SLC24A4: variants seen among roughly 807,000 people sequenced by gnomAD.
The protein encoded by SLC24A4 is sodium/potassium/calcium exchanger 4.
Under a neutral mutation model 79.0 loss-of-function variants are expected in SLC24A4, and 53 were observed. That is an observed-to-expected ratio of 0.67 (90% CI 0.54 to 0.84). The LOEUF (loss-of-function observed/expected upper bound fraction) is 0.84. SLC24A4 is among the 40% of genes least tolerant of loss of function. SLC24A4 has a pLI of 0.00. For synonymous variants in SLC24A4, 323 were observed against 323.8 expected, an observed-to-expected ratio of 1.00 and a Z score of 0.03; for missense variants, 731 against 822.0, an observed-to-expected ratio of 0.89 and a Z score of 1.35.
intron 2 of SLC24A4, among the ~76,000 whole-genome samples, chr14:92,383,237 A>G (rs974132485): frequency 6.6e-6 from 1 of 152,192 alleles, no homozygotes; most frequent in African/African-American, 2.4e-5. Context: ...AGCTGGAAGT[A>G]AGATATGGGG....
chr14:92,326,040 G>A (rs1566685957), intron 2 of SLC24A4, 62 bp downstream of exon 2: 24 of 1,185,664 alleles, frequency 2.0e-5, no homozygotes, highest in East Asian at 1.2e-4. Context: ...TGGAGATGGC[G>A]CTTATGTGGG....
intron 2 of SLC24A4, among the ~76,000 whole-genome samples, chr14:92,352,632 G>A (rs1406133901): frequency 1.3e-5 from 2 of 152,182 alleles, no homozygotes; most frequent in East Asian, 3.8e-4. Context: ...AAAGCCCAGG[G>A]CCCCGAAATA....
intron 2 of SLC24A4, among the ~76,000 whole-genome samples, chr14:92,427,681 A>T (rs1891640648): frequency 6.6e-6 from 1 of 152,214 alleles, no homozygotes; most frequent in African/African-American, 2.4e-5. Flanking sequence ...CAGGAAATAG[A>T]ATCCATGTTT....
At chr14:92,411,497 G>A (rs1890709723) in intron 2 of SLC24A4, among the ~76,000 whole-genome samples, 1 of 152,060 alleles carries the variant, frequency 6.6e-6, no homozygotes, top group African/African-American at 2.4e-5. Context: ...TTTCATTTAG[G>A]TTCTTACTGA....
At chr14:92,448,618 G>A (rs1251958287) in intron 9 of SLC24A4, among the ~76,000 whole-genome samples, 1 of 152,188 alleles carries the variant, frequency 6.6e-6, no homozygotes, top group Non-Finnish European at 1.5e-5. Flanking sequence ...CTTTGAGATG[G>A]AGAGACTCTT....
chr14:92,492,360 G>A, intron 16 of SLC24A4, 120 bp downstream of exon 16: 1 of 932,364 alleles, frequency 1.1e-6, no homozygotes. Context: ...AAGGATAAAG[G>A]CAAGAAAATG....
intron 2 of SLC24A4, among the ~76,000 whole-genome samples, chr14:92,359,897 A>AAC (rs889170032): frequency 6.6e-6 from 1 of 152,208 alleles, no homozygotes; most frequent in African/African-American, 2.4e-5. Flanking sequence ...GAGTTATAGT[A>AAC]ACACACACAC....
chr14:92,416,610 T>C (rs928625920), intron 2 of SLC24A4, among the ~76,000 whole-genome samples: 2 of 152,228 alleles, frequency 1.3e-5, no homozygotes, highest in African/African-American at 2.4e-5. Context: ...GGAGGTTCAG[T>C]GAACTCATCT....
chr14:92,351,884 A>G (rs1886901195), intron 2 of SLC24A4, among the ~76,000 whole-genome samples: 1 of 136,338 alleles, frequency 7.3e-6, no homozygotes, highest in African/African-American at 2.7e-5. Context: ...AAAAAAGGAA[A>G]GAAGGAAGGA....
At chr14:92,408,428 C>A in intron 2 of SLC24A4, 1 of 985,316 alleles carries the variant, frequency 1.0e-6, no homozygotes, top group South Asian at 4.7e-5. Context: ...CCTATCTCTG[C>A]AAACATGTGA....
chr14:92,420,299 G>A (rs1046300446), intron 2 of SLC24A4, among the ~76,000 whole-genome samples: 1 of 152,162 alleles, frequency 6.6e-6, no homozygotes, highest in Non-Finnish European at 1.5e-5. Flanking sequence ...GGCCAATATG[G>A]TGAAACCCTG....
rs183884366 is a variant in SLC24A4 at position 92,377,488 on chromosome 14, A to G, written c.241+51510A>G. On this transcript the variant is annotated intron_variant, in intron 2 of 16. Transcript: ENST00000532405. ...GAGCTGAGTGTTGAAGATGAGGTGC[A>G]GTACCCATGTAGGAGAGAGGTGGGA... Among the ~76,000 whole-genome samples, 40 of 152,312 alleles carry G rather than the reference A, an allele frequency of 2.6e-4. No homozygotes were observed. The East Asian group carries it at 7.3e-3, about 28-fold the overall frequency.
intron 2 of SLC24A4, among the ~76,000 whole-genome samples, chr14:92,422,009 A>G (rs147240072): frequency 5.0e-4 from 76 of 152,314 alleles, no homozygotes; most frequent in African/African-American, 1.7e-3. Flanking sequence ...TGTAGCTGCA[A>G]ACAAACCACG....
rs1420443870 is a variant in SLC24A4 at position 92,443,450 on chromosome 14, C to T, written c.633C>T (p.Thr211=). 2 of 1,614,174 alleles carry T rather than the reference C, an allele frequency of 1.2e-6. No individual in the cohort carries two copies. Among genetic ancestry groups the T allele is most frequent in the South Asian group, 2.2e-5 (2 of 91,086 alleles). Residue 211 remains threonine, a synonymous_variant, in exon 7 of 17, where the codon ACC becomes ACT. Transcript: ENST00000532405. ...TGTGCCGAGACTCCGTGTACTACAC[C>T]ATCTCTGTCATCGTGCTCATCGTGG... The part of the protein sequence containing the change: ...WAVCRDSVYY[T]ISVIVLIVFI...
chr14:92,457,416 T>C (rs1224973315), intron 12 of SLC24A4: 1 of 152,782 alleles, frequency 6.5e-6, no homozygotes, highest in Non-Finnish European at 1.5e-5. Context: ...AAATGTCACC[T>C]TTTCACTGTG....
chr14:92,472,271 G>A (rs1894478730), intron 12 of SLC24A4, among the ~76,000 whole-genome samples: 1 of 152,158 alleles, frequency 6.6e-6, no homozygotes. Context: ...ATTTCCATAA[G>A]TTTTGGGGGA....
intron 12 of SLC24A4, among the ~76,000 whole-genome samples, chr14:92,461,957 C>G (rs1179882633): frequency 6.6e-6 from 1 of 152,242 alleles, no homozygotes; most frequent in Non-Finnish European, 1.5e-5. Flanking sequence ...GCACCAGACA[C>G]TATCCTCTGA....
intron 2 of SLC24A4, among the ~76,000 whole-genome samples, chr14:92,339,383 G>A (rs965864420): frequency 4.6e-5 from 7 of 152,346 alleles, no homozygotes; most frequent in African/African-American, 1.7e-4. Context: ...AGACACTTGG[G>A]TAGCAGTGTC....
At chr14:92,348,982 G>T (rs552172130) in intron 2 of SLC24A4, among the ~76,000 whole-genome samples, 3 of 151,944 alleles carry the variant, frequency 2.0e-5, no homozygotes, top group Admixed American at 6.6e-5. Context: ...TTACCAGCTC[G>T]CAGGGAGGCA....
Sources: gnomAD v4.1 joint callset for allele counts (sites outside exome capture counted in the v4.1 genomes callset) on GRCh38, gnomAD v4.1.1 for gene constraint, MANE v1.5 for transcripts, NCBI Gene and HGNC (gene_info 2026-07-23, HGNC 2026-07-21) for gene names.